The following EYS variants were observed in gnomAD, a reference collection of about 807,000 sequenced individuals.
EYS encodes protein eyes shut homolog.
In EYS, 250 loss-of-function variants were observed where a neutral mutation model predicts 282.1. The ratio of observed to expected loss-of-function variants is 0.89; its 90% confidence interval spans 0.80 to 0.98. EYS has a LOEUF of 0.98. Ranked by LOEUF, EYS falls within the 50% of genes least tolerant of loss-of-function variation. The pLI is 0.00. For synonymous variants in EYS, 1,355 were observed against 1,282.9 expected (o/e 1.06, Z -1.20); for missense variants, 4,016 against 3,709.0 (o/e 1.08, Z -2.15).
At chr6:64,823,743 G>T (rs1764967765) in intron 19 of EYS, among the ~76,000 whole-genome samples, 1 of 151,856 alleles carries the variant, frequency 6.6e-6, no homozygotes, top group African/African-American at 2.4e-5. Context: ...GGTCACACAG[G>T]CCATAACAGC....
intron 40 of EYS, among the ~76,000 whole-genome samples, chr6:63,771,998 C>T (rs1463114742): frequency 6.6e-6 from 1 of 152,012 alleles, no homozygotes; most frequent in Non-Finnish European, 1.5e-5. Flanking sequence ...TATGTATTTT[C>T]TGTCCTAGAG....
chr6:65,570,803 T>C (rs1764449929), intron 2 of EYS, among the ~76,000 whole-genome samples: 1 of 152,172 alleles, frequency 6.6e-6, no homozygotes, highest in Admixed American at 6.6e-5. Context: ...TTCTGGAAAC[T>C]TCAGCCTTAG....
At chr6:64,966,136 G>C (rs573843771) in intron 14 of EYS, among the ~76,000 whole-genome samples, 26 of 152,184 alleles carry the variant, frequency 1.7e-4, no homozygotes, top group South Asian at 1.2e-3. Flanking sequence ...TTTCTTATGA[G>C]TGAATTATTT....
intron 2 of EYS, among the ~76,000 whole-genome samples, chr6:65,599,983 C>T (rs538762654): frequency 4.6e-5 from 7 of 152,104 alleles, no homozygotes; most frequent in South Asian, 2.1e-4. Context: ...GATTCTGTAT[C>T]GAGTGTGAGT....
intron 31 of EYS, among the ~76,000 whole-genome samples, chr6:64,137,811 G>A (rs4710262): frequency 0.37 from 56,523 of 151,912 alleles, 10,792 homozygotes; most frequent in East Asian, 0.51. Context: ...AAAGTTTAAA[G>A]TATGAGAATC....
intron 35 of EYS, among the ~76,000 whole-genome samples, chr6:63,960,806 T>C (rs1035404493): frequency 2.0e-5 from 3 of 152,254 alleles, no homozygotes; most frequent in African/African-American, 7.2e-5. Flanking sequence ...CATAATATTC[T>C]TGTGCACTTA....
At chr6:65,209,302 A>T (rs1051795399) in intron 12 of EYS, among the ~76,000 whole-genome samples, 2 of 151,638 alleles carry the variant, frequency 1.3e-5, no homozygotes, top group Non-Finnish European at 3.0e-5. Context: ...CTGGACTCTC[A>T]GTAAACTGAA....
At chr6:64,774,251 G>A (rs1254765481) in intron 22 of EYS, among the ~76,000 whole-genome samples, 1 of 151,894 alleles carries the variant, frequency 6.6e-6, no homozygotes, top group Non-Finnish European at 1.5e-5. Context: ...ATTTTTCAAG[G>A]TGTCTCCTCT....
chr6:64,183,037 TG>T (rs1447321590), intron 31 of EYS, among the ~76,000 whole-genome samples: 2 of 152,124 alleles, frequency 1.3e-5, no homozygotes, highest in African/African-American at 2.4e-5. Context: ...AACTGAATCA[TG>T]GGGGTGGTTT....
chr6:65,110,306 T>A (rs368323701), intron 12 of EYS, among the ~76,000 whole-genome samples: 2 of 152,180 alleles, frequency 1.3e-5, no homozygotes, highest in African/African-American at 4.8e-5. Flanking sequence ...ACAAAAGAAC[T>A]AACCAGGAAG....
intron 19 of EYS, among the ~76,000 whole-genome samples, chr6:64,864,921 A>ACC (rs1289758750): frequency 6.6e-6 from 1 of 151,874 alleles, no homozygotes; most frequent in African/African-American, 2.4e-5. Flanking sequence ...CTGTAATCCC[A>ACC]GCTATTCAGG....
chr6:65,574,010 G>C (rs1764570781), intron 2 of EYS, among the ~76,000 whole-genome samples: 1 of 152,154 alleles, frequency 6.6e-6, no homozygotes, highest in Non-Finnish European at 1.5e-5. Flanking sequence ...ACTCTGGCTA[G>C]TTCACAATCA....
At chr6:65,473,272 A>C (rs2127243844) in intron 5 of EYS, among the ~76,000 whole-genome samples, 1 of 152,156 alleles carries the variant, frequency 6.6e-6, no homozygotes, top group South Asian at 2.1e-4. Flanking sequence ...TAAAAACAAT[A>C]TCCTTGATGA....
intron 30 of EYS, among the ~76,000 whole-genome samples, chr6:64,238,577 T>C (rs1766687859): frequency 6.6e-6 from 1 of 152,242 alleles, no homozygotes; most frequent in African/African-American, 2.4e-5. Context: ...CAATGTCCAT[T>C]ATACCACTCT....
chr6:64,640,144 T>G (rs1582985268), intron 22 of EYS, among the ~76,000 whole-genome samples: 1 of 147,846 alleles, frequency 6.8e-6, no homozygotes, highest in Admixed American at 6.8e-5. Flanking sequence ...GTTCAACCAT[T>G]GTGGAAGTCA....
intron 31 of EYS, among the ~76,000 whole-genome samples, chr6:64,204,686 G>A (rs1765564705): frequency 6.6e-6 from 1 of 152,108 alleles, no homozygotes; most frequent in South Asian, 2.1e-4. Context: ...GATGCTTCTG[G>A]AATTTCTGGG....
intron 29 of EYS, among the ~76,000 whole-genome samples, chr6:64,361,767 A>G (rs1387675997): frequency 1.3e-5 from 2 of 151,592 alleles, no homozygotes; most frequent in East Asian, 1.9e-4. Flanking sequence ...TGCACTCATC[A>G]TTGTTTCAAT....
chr6:64,621,895 C>T (rs1767456721), intron 23 of EYS, among the ~76,000 whole-genome samples: 1 of 152,156 alleles, frequency 6.6e-6, no homozygotes, highest in South Asian at 2.1e-4. Flanking sequence ...TCAATTTGCT[C>T]TTCATGGGAT....
intron 1 of EYS, among the ~76,000 whole-genome samples, chr6:65,689,216 C>A (rs1358039592): frequency 6.7e-6 from 1 of 149,196 alleles, no homozygotes; most frequent in Non-Finnish European, 1.5e-5. Flanking sequence ...GAATTCATGT[C>A]CCTTGTAGGG....
Sources: gnomAD v4.1 joint callset for allele counts (sites outside exome capture counted in the v4.1 genomes callset) on GRCh38, gnomAD v4.1.1 for gene constraint, MANE v1.5 for transcripts, NCBI Gene and HGNC (gene_info 2026-07-23, HGNC 2026-07-21) for gene names.